Variants in PDE4D observed in about 807,000 individuals in gnomAD.
The protein encoded by PDE4D is 3',5'-cyclic-AMP phosphodiesterase 4D.
PDE4D carries 24 observed loss-of-function variants against 87.4 expected under a neutral mutation model. That is an observed-to-expected ratio of 0.27 (90% CI 0.20 to 0.39). PDE4D has a LOEUF of 0.39. PDE4D is among the 10% of genes least tolerant of loss of function. The pLI is 1.00. For missense variants in PDE4D, 714 were observed against 1,041.0 expected (o/e 0.69, Z 4.32); for synonymous variants, 384 against 383.2 (o/e 1.00, Z -0.02).
chr5:59,751,652 G>C (rs1272910037), intron 1 of PDE4D, among the ~76,000 whole-genome samples: 1 of 151,882 alleles, frequency 6.6e-6, no homozygotes. Flanking sequence ...GCAAGAGAGA[G>C]AGAGATGTTA....
At chr5:59,136,910 G>A (rs1777153132) in intron 5 of PDE4D, among the ~76,000 whole-genome samples, 1 of 152,140 alleles carries the variant, frequency 6.6e-6, no homozygotes, top group Non-Finnish European at 1.5e-5. Flanking sequence ...CAGCAGCAAG[G>A]GAAAGGTAGG....
chr5:59,629,517 G>A (rs181517507), intron 1 of PDE4D, among the ~76,000 whole-genome samples: 3 of 152,028 alleles, frequency 2.0e-5, no homozygotes, highest in East Asian at 1.9e-4. Context: ...CAGAGAGAAG[G>A]CCATCTACAA....
At chr5:59,708,438 G>A (rs1035736805) in intron 1 of PDE4D, among the ~76,000 whole-genome samples, 3 of 152,128 alleles carry the variant, frequency 2.0e-5, no homozygotes, top group Non-Finnish European at 1.5e-5. Flanking sequence ...GGAAGAAAGA[G>A]AGAAGAATCA....
intron 6 of PDE4D, among the ~76,000 whole-genome samples, chr5:59,020,467 C>T (rs748288716): frequency 4.7e-5 from 7 of 148,902 alleles, no homozygotes; most frequent in Admixed American, 2.7e-4. Context: ...AGCAAGACTC[C>T]GTCTCAGAAA....
intron 2 of PDE4D, among the ~76,000 whole-genome samples, chr5:60,116,653 T>C (rs1778197222): frequency 6.6e-6 from 1 of 151,950 alleles, no homozygotes; most frequent in Admixed American, 6.6e-5. Flanking sequence ...ATGGGAAAAT[T>C]CGGTTGGTGC....
At chr5:60,158,359 T>C (rs953723519) in intron 2 of PDE4D, among the ~76,000 whole-genome samples, 1 of 151,994 alleles carries the variant, frequency 6.6e-6, no homozygotes, top group Admixed American at 6.6e-5. Flanking sequence ...TATCTAAACA[T>C]ATAAAAAATA....
intron 1 of PDE4D, among the ~76,000 whole-genome samples, chr5:59,259,182 A>T (rs1258133931): frequency 6.6e-6 from 1 of 151,460 alleles, no homozygotes; most frequent in African/African-American, 2.4e-5. Flanking sequence ...ACTGGCTAGC[A>T]TTTTTTTTGG....
At chr5:59,282,643 C>CA (rs60262509) in intron 1 of PDE4D, among the ~76,000 whole-genome samples, 4,100 of 38,506 alleles carry the variant, frequency 0.11, 324 homozygotes, top group African/African-American at 0.18. Flanking sequence ...AACTCCAGCT[C>CA]AAAAAAAAAA....
intron 1 of PDE4D, among the ~76,000 whole-genome samples, chr5:59,266,400 A>T (rs143724308): frequency 0.014 from 2,057 of 151,676 alleles, 20 homozygotes; most frequent in Non-Finnish European, 0.019. Context: ...CCAGCTCCAC[A>T]TTGGGGTTAG....
At chr5:60,115,119 A>C (rs181555848) in intron 2 of PDE4D, among the ~76,000 whole-genome samples, 1 of 152,110 alleles carries the variant, frequency 6.6e-6, no homozygotes, top group Non-Finnish European at 1.5e-5. Context: ...ATATTTTGAA[A>C]AAACTTCCCC....
chr5:59,792,402 C>CTGTGTGTGTGTGTGTGTG (rs3062592), intron 1 of PDE4D, among the ~76,000 whole-genome samples: 3,730 of 138,764 alleles, frequency 0.027, 222 homozygotes, highest in African/African-American at 0.095. Context: ...CTCCAAGAAG[C>CTGTGTGTGTGTGTGTGTG]TGTGTGTGTG....
chr5:60,027,258 A>G (rs1045070624), intron 2 of PDE4D, among the ~76,000 whole-genome samples: 1 of 151,944 alleles, frequency 6.6e-6, no homozygotes, highest in African/African-American at 2.4e-5. Flanking sequence ...TCTAGTGTCT[A>G]TTGTTTCCAT....
chr5:59,279,765 G>C (rs1765477893), intron 1 of PDE4D, among the ~76,000 whole-genome samples: 2 of 151,562 alleles, frequency 1.3e-5, no homozygotes, highest in Admixed American at 1.3e-4. Flanking sequence ...TCCAAAGCTT[G>C]CTCTTCATGA....
intron 1 of PDE4D, among the ~76,000 whole-genome samples, chr5:60,362,854 C>A (rs1370677452): frequency 1.4e-5 from 2 of 148,086 alleles, no homozygotes; most frequent in African/African-American, 5.1e-5. Flanking sequence ...GAACAAGACT[C>A]CATCTCAAGA....
intron 1 of PDE4D, among the ~76,000 whole-genome samples, chr5:60,366,654 A>G (rs942002459): frequency 3.3e-5 from 5 of 152,324 alleles, no homozygotes; most frequent in Admixed American, 3.3e-4. Context: ...GGGCTGGCAC[A>G]GACTCACATC....
chr5:59,337,334 C>T (rs57929759), intron 1 of PDE4D, among the ~76,000 whole-genome samples: 1 of 143,760 alleles, frequency 7.0e-6, no homozygotes. Flanking sequence ...CCCCCCCCCC[C>T]ACCTTTTTTT....
intron 1 of PDE4D, among the ~76,000 whole-genome samples, chr5:60,287,083 G>T (rs1752487857): frequency 6.6e-6 from 1 of 152,142 alleles, no homozygotes; most frequent in African/African-American, 2.4e-5. Context: ...TTATTTCCCA[G>T]TAAAAGCAAA....
At chr5:59,933,183 A>G (rs1330656254) in intron 3 of PDE4D, among the ~76,000 whole-genome samples, 1 of 152,216 alleles carries the variant, frequency 6.6e-6, no homozygotes, top group East Asian at 1.9e-4. Flanking sequence ...AATTCAGTGG[A>G]TTTGATTGCT....
At chr5:59,365,652 G>A (rs1782925603) in intron 1 of PDE4D, among the ~76,000 whole-genome samples, 1 of 152,178 alleles carries the variant, frequency 6.6e-6, no homozygotes, top group Admixed American at 6.5e-5. Context: ...AGATACATTT[G>A]TACAGAAGTT....
Sources: gnomAD v4.1 joint callset for allele counts (sites outside exome capture counted in the v4.1 genomes callset) on GRCh38, gnomAD v4.1.1 for gene constraint, MANE v1.5 for transcripts, NCBI Gene and HGNC (gene_info 2026-07-23, HGNC 2026-07-21) for gene names.